Variants in GPC5 observed in about 807,000 individuals in gnomAD.
GPC5 encodes glypican 5.
A neutral mutation model predicts 53.9 loss-of-function variants in GPC5; 47 were observed. That is an observed-to-expected ratio of 0.87 (90% confidence interval 0.69 to 1.11). The LOEUF is 1.11. Among genes scored for constraint, GPC5 ranks in the 50% most tolerant of loss-of-function variants. GPC5 has a pLI of 0.00. For missense variants in GPC5, 748 were observed against 713.1 expected (o/e 1.05, Z -0.56); for synonymous variants, 286 against 263.3 (o/e 1.09, Z -0.84).
intron 5 of GPC5, among the ~76,000 whole-genome samples, chr13:91,842,641 G>A (rs369200586): frequency 4.9e-5 from 6 of 122,852 alleles, no homozygotes; most frequent in African/African-American, 1.8e-4. Flanking sequence ...GGCGGAGCTT[G>A]CAGTGAGCCG....
intron 7 of GPC5, among the ~76,000 whole-genome samples, chr13:92,518,369 G>A (rs946266803): frequency 1.3e-5 from 2 of 152,300 alleles, no homozygotes; most frequent in Middle Eastern, 3.4e-3. Context: ...GTTAAAGGCA[G>A]CCAGAGAGAA....
chr13:92,445,708 T>C (rs1425479984), intron 7 of GPC5, among the ~76,000 whole-genome samples: 1 of 151,868 alleles, frequency 6.6e-6, no homozygotes, highest in East Asian at 1.9e-4. Flanking sequence ...CTTAATCCAG[T>C]CTATCATTGT....
chr13:92,616,896 G>C (rs145170167), intron 7 of GPC5, among the ~76,000 whole-genome samples: 1 of 151,752 alleles, frequency 6.6e-6, no homozygotes, highest in African/African-American at 2.4e-5. Flanking sequence ...CTCTAAGGCC[G>C]TGAAAGATAA....
chr13:91,504,805 T>G (rs1189708755), intron 2 of GPC5, among the ~76,000 whole-genome samples: 1 of 151,848 alleles, frequency 6.6e-6, no homozygotes. Flanking sequence ...AAAAAAATAA[T>G]TAGCTGGGCA....
At chr13:91,414,183 G>A (rs8000363) in intron 1 of GPC5, among the ~76,000 whole-genome samples, 12,106 of 152,208 alleles carry the variant, frequency 0.08, 1,115 homozygotes, top group African/African-American at 0.23. Context: ...CCAGTGGGAG[G>A]CAATTGAATC....
At chr13:91,976,121 T>C (rs534554697) in intron 6 of GPC5, among the ~76,000 whole-genome samples, 5 of 151,680 alleles carry the variant, frequency 3.3e-5, no homozygotes, top group Non-Finnish European at 7.4e-5. Flanking sequence ...GGGACTGTTA[T>C]GGGGTTGGGG....
chr13:92,064,673 C>G (rs2041151905), intron 6 of GPC5, among the ~76,000 whole-genome samples: 3 of 148,968 alleles, frequency 2.0e-5, no homozygotes, highest in Admixed American at 7.0e-5. Context: ...AGGAGAATTG[C>G]TTGAACCTGG....
At chr13:91,575,226 G>A (rs1454653332) in intron 2 of GPC5, among the ~76,000 whole-genome samples, 1 of 152,034 alleles carries the variant, frequency 6.6e-6, no homozygotes, top group Non-Finnish European at 1.5e-5. Flanking sequence ...TTCAAATACT[G>A]AAAGATAAAA....
chr13:91,674,168 A>T (rs2035313834), intron 2 of GPC5, among the ~76,000 whole-genome samples: 1 of 152,094 alleles, frequency 6.6e-6, no homozygotes, highest in Admixed American at 6.6e-5. Context: ...AACAAATTTT[A>T]TGTCAAGTTG....
intron 5 of GPC5, among the ~76,000 whole-genome samples, chr13:91,758,136 C>T (rs1377395587): frequency 6.6e-6 from 1 of 151,822 alleles, no homozygotes; most frequent in Non-Finnish European, 1.5e-5. Flanking sequence ...TCATTATGCA[C>T]CCTGGATGTT....
chr13:92,522,730 C>T (rs1881111491), intron 7 of GPC5, among the ~76,000 whole-genome samples: 1 of 152,020 alleles, frequency 6.6e-6, no homozygotes, highest in Non-Finnish European at 1.5e-5. Context: ...AACAAACCTG[C>T]ACATTGTGCA....
intron 7 of GPC5, among the ~76,000 whole-genome samples, chr13:92,816,040 T>A (rs975430991): frequency 6.6e-6 from 1 of 151,840 alleles, no homozygotes; most frequent in Non-Finnish European, 1.5e-5. Flanking sequence ...TGGGAGTCAT[T>A]TGCCCATGAA....
intron 7 of GPC5, among the ~76,000 whole-genome samples, chr13:92,166,921 GTCTCTCTC>G (rs35310453): frequency 0.026 from 3,364 of 128,234 alleles, 37 homozygotes; most frequent in African/African-American, 0.043. Context: ...ATAAGTCTCA[GTCTCTCTC>G]TCTCTCTCTC....
intron 7 of GPC5, among the ~76,000 whole-genome samples, chr13:92,265,697 C>A (rs541479963): frequency 6.6e-6 from 1 of 152,282 alleles, no homozygotes; most frequent in African/African-American, 2.4e-5. Flanking sequence ...AGTCTCTGCC[C>A]ATTACCCAGC....
intron 7 of GPC5, among the ~76,000 whole-genome samples, chr13:92,614,534 G>T (rs1020028569): frequency 6.6e-6 from 1 of 152,182 alleles, no homozygotes; most frequent in African/African-American, 2.4e-5. Flanking sequence ...GAGATCATCT[G>T]TATTGACATT....
intron 1 of GPC5, among the ~76,000 whole-genome samples, chr13:91,403,612 G>T (rs564740049): frequency 1.3e-5 from 2 of 152,258 alleles, no homozygotes; most frequent in East Asian, 3.9e-4. Flanking sequence ...CCTCATCATT[G>T]TTTTCTAATT....
chr13:92,249,646 G>A (rs575281869), intron 7 of GPC5, among the ~76,000 whole-genome samples: 13 of 152,176 alleles, frequency 8.5e-5, no homozygotes, highest in African/African-American at 2.6e-4. Context: ...TTTAGTGGGG[G>A]GGTTGATGGC....
chr13:92,619,223 T>C lies in GPC5; in HGVS notation c.1562-247059T>C, dbSNP rs192515309. On this transcript the variant is annotated intron_variant, in intron 7 of 7. Coordinates refer to ENST00000377067, the MANE Select transcript of GPC5 (RefSeq NM_004466.6). Reference sequence around the variant, plus strand: ...AAGAGTCAAGATTAGTTCTAACAAATTAATAATCACTAATGTGTTTATTTT... The same window carrying C: ...AAGAGTCAAGATTAGTTCTAACAAACTAATAATCACTAATGTGTTTATTTT... Among the ~76,000 whole-genome samples the C allele has an allele frequency of 9.9e-5, 15 of 152,104 alleles. No individual in the cohort carries two copies. In the East Asian group the frequency reaches 2.7e-3, roughly 27 times the overall value.
intron 7 of GPC5, among the ~76,000 whole-genome samples, chr13:92,544,526 G>A (rs1882036499): frequency 6.6e-6 from 1 of 152,006 alleles, no homozygotes; most frequent in Non-Finnish European, 1.5e-5. Flanking sequence ...CTTCTGTTTT[G>A]ATTTTATTTT....
Sources: gnomAD v4.1 joint callset for allele counts (sites outside exome capture counted in the v4.1 genomes callset) on GRCh38, gnomAD v4.1.1 for gene constraint, MANE v1.5 for transcripts, NCBI Gene and HGNC (gene_info 2026-07-23, HGNC 2026-07-21) for gene names.